LDB3: variants seen among roughly 807,000 people sequenced by gnomAD.
LDB3 encodes the protein LIM domain binding 3, also known as LIM domain-binding protein 3.
In LDB3, 49 loss-of-function variants were observed where a neutral mutation model predicts 69.0. The ratio of observed to expected loss-of-function variants is 0.71; its 90% CI spans 0.56 to 0.90. LDB3 has a LOEUF of 0.90. LDB3 is among the 40% of genes least tolerant of loss of function. The probability of loss-of-function intolerance (pLI) is 0.00; values close to 1 mark genes in which losing one functional copy is unlikely to be tolerated. For missense variants in LDB3, 928 were observed against 974.1 expected, an observed-to-expected ratio of 0.95 and a Z score of 0.63; for synonymous variants, 387 against 396.2, an observed-to-expected ratio of 0.98 and a Z score of 0.28.
intron 2 of LDB3, among the ~76,000 whole-genome samples, chr10:86,678,634 A>C (rs1263063516): frequency 1.3e-5 from 2 of 151,802 alleles, no homozygotes; most frequent in African/African-American, 2.4e-5. Flanking sequence ...CACCACGCCC[A>C]GCAGATGCCT....
chr10:86,703,814 T>C (rs11202133), intron 7 of LDB3, among the ~76,000 whole-genome samples: 3,515 of 152,224 alleles, frequency 0.023, 64 homozygotes, highest in South Asian at 0.077. Context: ...TGGAAGCCTG[T>C]TAGAAAAGTG....
intron 4 of LDB3, 66 bp downstream of exon 4, chr10:86,680,223 C>T (rs1171255942): frequency 1.4e-6 from 2 of 1,459,370 alleles, no homozygotes; most frequent in African/African-American, 1.4e-5. Context: ...CCCTGGCCAG[C>T]CTGCCTGGTC....
intron 11 of LDB3, among the ~76,000 whole-genome samples, chr10:86,718,373 C>A (rs1339345508): frequency 6.6e-6 from 1 of 152,196 alleles, no homozygotes; most frequent in Admixed American, 6.5e-5. Context: ...GGTGGAACTT[C>A]TGCAAAGCAA....
rs727503130 is a variant in LDB3 at position 86,718,073 on chromosome 10, G to A, written c.1786G>A (p.Val596Ile). The A allele has an allele frequency of 3.6e-5, 58 of 1,614,006 alleles. No individual in the cohort carries two copies. The highest frequency in any genetic ancestry group is 4.6e-5 in the Non-Finnish European group (54 of 1,180,030). Residue 596 changes from valine to isoleucine, a missense_variant, in exon 11 of 14, where the codon GTT becomes ATT. By Grantham distance (29) the Val-to-Ile change is conservative (BLOSUM62 3). Transcript: ENST00000361373. ...GTGCTTTGTGGAAGAGCAGAACAAC[G>A]TTTACTGTGAGCGATGTTATGAGCA... ...DVCFVEEQNN[V>I]YCERCYEQFF...
At chr10:86,669,311 C>T (rs906342980) in intron 2 of LDB3, among the ~76,000 whole-genome samples, 10 of 152,220 alleles carry the variant, frequency 6.6e-5, no homozygotes, top group African/African-American at 1.9e-4. Flanking sequence ...CCATCCCAAA[C>T]TTGAGACACC....
chr10:86,713,943 G>A (rs112132454), intron 9 of LDB3, among the ~76,000 whole-genome samples: 3 of 152,186 alleles, frequency 2.0e-5, no homozygotes, highest in East Asian at 1.9e-4. Flanking sequence ...AACCCTAGGC[G>A]CTACCAGTCT....
At chr10:86,686,282 A>G (rs774676348) in intron 5 of LDB3, among the ~76,000 whole-genome samples, 7 of 152,200 alleles carry the variant, frequency 4.6e-5, no homozygotes, top group Non-Finnish European at 8.8e-5. Context: ...GAGCCCCTTC[A>G]CGGAGAAACC....
At chr10:86,731,669 A>G (rs1847463811) in intron 13 of LDB3, among the ~76,000 whole-genome samples, 1 of 152,196 alleles carries the variant, frequency 6.6e-6, no homozygotes, top group Admixed American at 6.5e-5. Flanking sequence ...TTGCTTCTGC[A>G]GGATAAAATT....
intron 7 of LDB3, among the ~76,000 whole-genome samples, chr10:86,700,567 C>T (rs1846221405): frequency 6.6e-6 from 1 of 152,178 alleles, no homozygotes; most frequent in Non-Finnish European, 1.5e-5. Context: ...GAAGGCAGCC[C>T]TGGCAGATTC....
intron 5 of LDB3, among the ~76,000 whole-genome samples, chr10:86,685,198 T>C (rs1465022630): frequency 6.6e-6 from 1 of 152,188 alleles, no homozygotes; most frequent in Non-Finnish European, 1.5e-5. Context: ...CTGCAATGCC[T>C]GCTCAGGACA....
intron 7 of LDB3, 79 bp downstream of exon 7, chr10:86,692,650 C>T: frequency 1.6e-6 from 2 of 1,254,794 alleles, no homozygotes; most frequent in Non-Finnish European, 2.3e-6. Context: ...TCACATCACT[C>T]ATGGAAGGGA....
chr10:86,692,632 C>A, intron 7 of LDB3, 61 bp downstream of exon 7: 5 of 1,472,588 alleles, frequency 3.4e-6, no homozygotes, highest in African/African-American at 1.4e-5. Context: ...CCCCGGGCAG[C>A]CCCCAGGTCA....
At chr10:86,674,441 C>G (rs1158045680) in intron 2 of LDB3, among the ~76,000 whole-genome samples, 1 of 152,132 alleles carries the variant, frequency 6.6e-6, no homozygotes, top group Non-Finnish European at 1.5e-5. Flanking sequence ...TTGGAAGTGC[C>G]CTAAGACCTT....
intron 2 of LDB3, among the ~76,000 whole-genome samples, chr10:86,670,030 T>TC (rs35548503): frequency 0.6 from 90,243 of 151,490 alleles, 27,667 homozygotes; most frequent in East Asian, 0.77. Flanking sequence ...AGGAGTAATC[T>TC]TTTTTTTGTT....
intron 2 of LDB3, among the ~76,000 whole-genome samples, chr10:86,677,575 C>T (rs1844867710): frequency 6.6e-6 from 1 of 152,122 alleles, no homozygotes; most frequent in Non-Finnish European, 1.5e-5. Context: ...GGAGGTGTGG[C>T]CTTCCTGAGA....
chr10:86,715,181 G>T (rs757470218), intron 9 of LDB3, among the ~76,000 whole-genome samples: 2 of 152,210 alleles, frequency 1.3e-5, no homozygotes, highest in Non-Finnish European at 2.9e-5. Flanking sequence ...GGGCAGAGGC[G>T]GGGTGTGGGT....
intron 12 of LDB3, among the ~76,000 whole-genome samples, chr10:86,724,432 A>G (rs1847186511): frequency 1.3e-5 from 2 of 151,380 alleles, no homozygotes; most frequent in African/African-American, 2.4e-5. Context: ...GTGAAGCCCC[A>G]TCTCTACTAA....
At chr10:86,710,817 G>A (rs1323174442) in intron 9 of LDB3, among the ~76,000 whole-genome samples, 1 of 152,222 alleles carries the variant, frequency 6.6e-6, no homozygotes, top group Non-Finnish European at 1.5e-5. Context: ...GTGGGCGGTC[G>A]AAGCGGCTTT....
Position 86,717,975 on chromosome 10 carries a change from T to C in LDB3, c.1688T>C (p.Leu563Pro). Residue 563 changes from leucine to proline, a missense_variant, in exon 11 of 14, where the codon CTG becomes CCG. By Grantham distance (98) the Leu-to-Pro change is moderately conservative (BLOSUM62 -3). Coordinates refer to ENST00000361373, the MANE Select transcript of LDB3 (RefSeq NM_007078.3). ...HCNNVIRGPF[L>P]VAMGRSWHPE... ...CTGTGCTTCCCCAGGGGCCCATTTC[T>C]GGTAGCCATGGGCCGTTCTTGGCAC... The C allele has an allele frequency of 1.2e-6, 2 of 1,614,116 alleles. No individual in the cohort carries two copies. Among genetic ancestry groups the C allele is most frequent in the Non-Finnish European group, 1.7e-6 (2 of 1,179,962 alleles).
Sources: allele counts gnomAD v4.1 joint callset (sites outside exome capture counted in the v4.1 genomes callset), GRCh38; gene constraint gnomAD v4.1.1; transcripts MANE v1.5; gene names NCBI Gene and HGNC (gene_info 2026-07-23, HGNC 2026-07-21).